Variants in PFKFB4 observed in about 807,000 individuals in gnomAD.
PFKFB4 encodes 6-phosphofructo-2-kinase/fructose-2,6-biphosphatase 4.
A neutral mutation model predicts 62.8 loss-of-function variants in PFKFB4; 42 were observed. The observed-to-expected ratio is 0.67, with a 90% CI of 0.52 to 0.86. The LOEUF (loss-of-function observed/expected upper bound fraction) is 0.86, where lower values mean the gene tolerates loss of function less well. Among genes scored for constraint, PFKFB4 ranks in the 40% least tolerant of loss-of-function variants. PFKFB4 has a pLI of 0.00. For synonymous variants in PFKFB4, 204 were observed against 240.7 expected, an observed-to-expected ratio of 0.85 and a Z score of 1.41; for missense variants, 475 against 627.2, an observed-to-expected ratio of 0.76 and a Z score of 2.59.
Position 48,536,180 on chromosome 3 carries a change from C to T in PFKFB4, c.840+76G>A, listed in dbSNP as rs2042602038. The T allele has an allele frequency of 2.3e-6, 3 of 1,292,276 alleles. No individual in the cohort carries two copies. In the East Asian group the frequency reaches 7.0e-5, roughly 30 times the overall value. The allele number at this position is 1,292,276 out of a possible 1,614,324, so 80.1% of individuals were successfully genotyped here. On this transcript the variant is annotated intron_variant, in intron 8 of 13. Transcript: ENST00000232375. ...AGAATGGGAGCCTAGCCCCAGCGCA[C>T]TCACACATGCATATACCCAGCCACG...
At chr3:48,550,089 C>T in intron 2 of PFKFB4, 29 bp downstream of exon 2, 1 of 1,521,914 alleles carries the variant, frequency 6.6e-7, no homozygotes, top group Non-Finnish European at 9.1e-7. Context: ...CCACAAAGCT[C>T]CCCTTAGACA....
intron 9 of PFKFB4, among the ~76,000 whole-genome samples, chr3:48,534,206 A>G (rs1411398494): frequency 6.6e-6 from 1 of 152,236 alleles, no homozygotes; most frequent in East Asian, 1.9e-4. Context: ...AGAAATGAAC[A>G]GAAGAAATTA....
rs1381432896 is a variant in PFKFB4 at position 48,534,023 on chromosome 3, GA to G, written c.987+1488del. On this transcript the variant is annotated intron_variant, in intron 9 of 13. Transcript: ENST00000232375. Reference sequence around the variant, plus strand: ...AGCCAAGCATAATGAAGAAATAATGGAAGATTCAAAAAAGGAACAAAATGAA... The same window carrying G: ...AGCCAAGCATAATGAAGAAATAATGGAGATTCAAAAAAGGAACAAAATGAA... Among the ~76,000 whole-genome samples, 11 of 152,050 alleles carry G rather than the reference GA, an allele frequency of 7.2e-5. No homozygotes were observed. In the East Asian group the frequency reaches 2.1e-3, roughly 29 times the overall value.
At position 48,521,124 on chromosome 3, in the gene PFKFB4, G is replaced by A. The variant is rs2042083392; in HGVS notation, c.1350+862C>T. ...GGACACATCTACACACCTGTGCTGT[G>A]AGGTCCAAGGCCAGATGTCCTGGTC... On this transcript the variant is annotated intron_variant, in intron 13 of 13. Coordinates refer to ENST00000232375, the MANE Select transcript of PFKFB4 (RefSeq NM_004567.4). This position sits in a 1 kb window ranked among gnomAD's most constrained non-coding sequence, Gnocchi z 5.3. Among the ~76,000 whole-genome samples, 1 of 152,194 alleles carries A rather than the reference G, an allele frequency of 6.6e-6. No homozygotes were observed. The highest frequency in any genetic ancestry group is 1.5e-5 in the Non-Finnish European group (1 of 68,020).
At chr3:48,543,131 C>T (rs765156196) in intron 4 of PFKFB4, among the ~76,000 whole-genome samples, 2 of 152,178 alleles carry the variant, frequency 1.3e-5, no homozygotes, top group Non-Finnish European at 2.9e-5. Flanking sequence ...TTCCCACAGA[C>T]ACCCCAGTTT....
upstream of PFKFB4, chr3:48,561,052 C>T (rs760590712): frequency 1.6e-6 from 2 of 1,281,580 alleles, no homozygotes; most frequent in Non-Finnish European, 2.0e-6. The surrounding 1 kb of genome is among the most constrained non-coding windows in gnomAD (Gnocchi z 5.2). Flanking sequence ...CCGTGCCTAC[C>T]CCGCCTGCTG....
At chr3:48,531,433 ATT>A (rs757109110) in intron 9 of PFKFB4, among the ~76,000 whole-genome samples, 15 of 140,160 alleles carry the variant, frequency 1.1e-4, no homozygotes, top group Admixed American at 1.5e-4. Context: ...GGAAGCAGAA[ATT>A]TTTTTTTTTT....
chr3:48,562,966 T>C (rs770902414), upstream of PFKFB4: 22 of 1,606,214 alleles, frequency 1.4e-5, no homozygotes, highest in Non-Finnish European at 1.6e-5. The surrounding 1 kb of genome is among the most constrained non-coding windows in gnomAD (Gnocchi z 4.3). Flanking sequence ...CCCACGGCCA[T>C]GTGGGAGCAG....
At chr3:48,522,800 G>A (rs544983621) in intron 12 of PFKFB4, among the ~76,000 whole-genome samples, 6 of 149,790 alleles carry the variant, frequency 4.0e-5, no homozygotes, top group South Asian at 2.1e-4. Context: ...TCGCTCTGTC[G>A]CCCAGGCTGG....
At chr3:48,531,652 G>A (rs1292714981) in intron 9 of PFKFB4, among the ~76,000 whole-genome samples, 2 of 151,836 alleles carry the variant, frequency 1.3e-5, no homozygotes, top group East Asian at 1.9e-4. Context: ...ATTTAGCTGG[G>A]TATGGTGATG....
Position 48,528,515 on chromosome 3 carries a change from T to C in PFKFB4, c.988-2846A>G, listed in dbSNP as rs373257217. 4.6e-5 allele frequency among the ~76,000 whole-genome samples: 7 copies of C among 152,010 alleles called. No individual in the cohort carries two copies. In the East Asian group the frequency reaches 7.7e-4, roughly 17 times the overall value. On this transcript the variant is annotated intron_variant, in intron 9 of 13. Coordinates refer to ENST00000232375, the MANE Select transcript of PFKFB4 (RefSeq NM_004567.4). ...CATCTCTACAAACAAATACAAAAAT[T>C]AGCTGGGTGTGGTGGCGAGTTCCTG...
intron 3 of PFKFB4, among the ~76,000 whole-genome samples, chr3:48,547,661 A>G (rs537714655): frequency 2.0e-5 from 3 of 151,972 alleles, no homozygotes; most frequent in Non-Finnish European, 4.4e-5. Flanking sequence ...TTTAGTAGAG[A>G]TGGGGTTTTG....
At chr3:48,531,874 G>A (rs2042438538) in intron 9 of PFKFB4, among the ~76,000 whole-genome samples, 1 of 152,116 alleles carries the variant, frequency 6.6e-6, no homozygotes, top group South Asian at 2.1e-4. Context: ...CATTAGGATG[G>A]CTACTATTAA....
At chr3:48,535,808 TGCTGACACACAA>T in intron 8 of PFKFB4, 150 bp from the exon 9 acceptor site, 1 of 877,182 alleles carries the variant, frequency 1.1e-6, no homozygotes, top group Non-Finnish European at 1.8e-6. Flanking sequence ...ATGACACACA[TGCTGACACACAA>T]GAACACAAGT....
intron 8 of PFKFB4, 102 bp downstream of exon 8, chr3:48,536,154 A>G: frequency 1.0e-6 from 1 of 973,102 alleles, no homozygotes; most frequent in East Asian, 2.4e-5. Context: ...TGCACATTAA[A>G]AGAATGGGAG....
At chr3:48,526,398 C>T (rs1268931663) in intron 9 of PFKFB4, among the ~76,000 whole-genome samples, 1 of 151,626 alleles carries the variant, frequency 6.6e-6, no homozygotes, top group Non-Finnish European at 1.5e-5. Flanking sequence ...CATGATGAAT[C>T]CCCGTCTCTA....
upstream of PFKFB4, chr3:48,561,143 G>A (rs2043427156): frequency 1.6e-6 from 2 of 1,242,788 alleles, no homozygotes; most frequent in Non-Finnish European, 2.1e-6. The surrounding 1 kb of genome is among the most constrained non-coding windows in gnomAD (Gnocchi z 5.2). Context: ...CAGGGCCACT[G>A]CCCCCTGCAG....
chr3:48,546,683 C>A (rs1575392995), intron 3 of PFKFB4, among the ~76,000 whole-genome samples: 1 of 152,220 alleles, frequency 6.6e-6, no homozygotes, highest in African/African-American at 2.4e-5. Flanking sequence ...TGATATGAAA[C>A]TTTCCCTGAA....
At chr3:48,557,220 C>G (rs890698474), upstream of PFKFB4, among the ~76,000 whole-genome samples, 8 of 152,336 alleles carry the variant, frequency 5.3e-5, no homozygotes, top group Non-Finnish European at 1.2e-4. Flanking sequence ...ATTCTGCTAC[C>G]TCCTTGCTAG....
Sources: allele counts gnomAD v4.1 joint callset (sites outside exome capture counted in the v4.1 genomes callset), GRCh38; gene constraint gnomAD v4.1.1; non-coding constraint Gnocchi (gnomAD v3.1); transcripts MANE v1.5; gene names NCBI Gene and HGNC (gene_info 2026-07-23, HGNC 2026-07-21).